ST3GAL6: variants seen among roughly 807,000 people sequenced by gnomAD.
ST3GAL6 encodes the protein ST3 beta-galactoside alpha-2,3-sialyltransferase 6.
ST3GAL6 carries 31 observed loss-of-function variants against 40.5 expected under a neutral mutation model. That is an observed-to-expected ratio of 0.77 (90% CI 0.58 to 1.03). The LOEUF (loss-of-function observed/expected upper bound fraction) is 1.03. Among genes scored for constraint, ST3GAL6 ranks in the 50% least tolerant of loss-of-function variants. ST3GAL6 has a pLI of 0.00. For missense variants in ST3GAL6, 357 were observed against 393.2 expected, an observed-to-expected ratio of 0.91 and a Z score of 0.78; for synonymous variants, 129 against 136.9, an observed-to-expected ratio of 0.94 and a Z score of 0.40.
intron 1 of ST3GAL6, among the ~76,000 whole-genome samples, chr3:98,735,626 T>C (rs1168780503): frequency 6.6e-6 from 1 of 152,240 alleles, no homozygotes; most frequent in Non-Finnish European, 1.5e-5. Flanking sequence ...GAAGAGGTTT[T>C]CCCAGGGTTA....
At chr3:98,751,167 C>T (rs938664988) in intron 1 of ST3GAL6, among the ~76,000 whole-genome samples, 3 of 151,972 alleles carry the variant, frequency 2.0e-5, no homozygotes, top group Admixed American at 6.6e-5. Context: ...CTCAGCCTCC[C>T]GAGTAGTTGG....
chr3:98,793,670 T>C lies in ST3GAL6; in HGVS notation c.910-5T>C, dbSNP rs202119606. ...AATGATGGTAATTGTATTTTTCTTC[T>C]TTAGAACGCGTATCACAATGTGACT... On this transcript the variant is annotated splice_polypyrimidine_tract_variant and splice_region_variant and intron_variant, in intron 9 of 9. Transcript: ENST00000483910. The C allele has an allele frequency of 1.4e-4, 219 of 1,569,684 alleles. No homozygotes were observed. The highest frequency in any genetic ancestry group is 2.6e-5 in the Non-Finnish European group (30 of 1,158,932).
At chr3:98,776,129 G>A (rs1939528191) in intron 5 of ST3GAL6, among the ~76,000 whole-genome samples, 1 of 152,168 alleles carries the variant, frequency 6.6e-6, no homozygotes, top group East Asian at 1.9e-4. Context: ...TATTTGCATA[G>A]CACTTTTCAG....
intron 1 of ST3GAL6, among the ~76,000 whole-genome samples, chr3:98,764,999 C>T (rs996022609): frequency 6.6e-6 from 1 of 152,138 alleles, no homozygotes; most frequent in African/African-American, 2.4e-5. Context: ...TTTCTTAGAG[C>T]AGTGATTCTC....
At chr3:98,766,182 C>A (rs1938302569) in intron 1 of ST3GAL6, among the ~76,000 whole-genome samples, 1 of 152,146 alleles carries the variant, frequency 6.6e-6, no homozygotes, top group Non-Finnish European at 1.5e-5. Flanking sequence ...TGAAAAACAA[C>A]AAAACAATAA....
In ST3GAL6 at chr3:98,763,372, G is replaced by T. The variant is rs956644170; in HGVS notation, c.-79G>T. 102 of 1,289,732 alleles carry T rather than the reference G, an allele frequency of 7.9e-5. No homozygotes were observed. In the African/African-American group the frequency reaches 1.4e-3, roughly 17 times the overall value. 79.9% of individuals were successfully genotyped at this position (1,289,732 alleles called of 1,614,324 possible). On this transcript the variant is annotated 5_prime_UTR_variant, in exon 1 of 10. An upstream start codon of the reference 5' UTR is lost. Coordinates refer to ENST00000483910, the MANE Select transcript of ST3GAL6 (RefSeq NM_001323368.2). Reference sequence around the variant, plus strand: ...GCTGAAGACCAGCAGAGACTAGGATGGATGACGGCCTGTCCAGGGGCTGAA... The same window carrying T: ...GCTGAAGACCAGCAGAGACTAGGATTGATGACGGCCTGTCCAGGGGCTGAA...
Position 98,794,805 on chromosome 3 carries a change from C to A in ST3GAL6, c.*1044C>A, listed in dbSNP as rs1440601217. The A allele has an allele frequency of 6.6e-6, 1 of 152,306 alleles. No individual in the cohort carries two copies. The highest frequency in any genetic ancestry group is 1.9e-4 in the East Asian group (1 of 5,186). 9.4% of individuals were successfully genotyped at this position (152,306 alleles called of 1,614,324 possible). A position where few individuals can be genotyped will look rare whatever the true frequency, so the allele number is the denominator to read the frequency against. ...GTCCCAGGTACTCGGGAGGCTGAGG[C>A]ACGAGAATTGCTTGAGCCCGGGAGG... On this transcript the variant is annotated 3_prime_UTR_variant, in exon 10 of 10. Coordinates refer to ENST00000483910, the MANE Select transcript of ST3GAL6 (RefSeq NM_001323368.2).
At chr3:98,774,913 A>G (rs1208305119) in intron 5 of ST3GAL6, among the ~76,000 whole-genome samples, 1 of 152,220 alleles carries the variant, frequency 6.6e-6, no homozygotes, top group East Asian at 1.9e-4. Flanking sequence ...TATAACTTCA[A>G]ACTATGCCAT....
At chr3:98,793,638 G>T in intron 9 of ST3GAL6, 37 bp from the exon 10 acceptor site, 2 of 1,381,854 alleles carry the variant, frequency 1.4e-6, no homozygotes, top group South Asian at 1.4e-5. Flanking sequence ...CTTTGAGATT[G>T]GGAAAGAATG....
chr3:98,740,120 G>A (rs543022558), intron 1 of ST3GAL6, among the ~76,000 whole-genome samples: 6 of 152,102 alleles, frequency 3.9e-5, no homozygotes, highest in South Asian at 2.1e-4. Flanking sequence ...TTTGATAAAC[G>A]GGATGTAAGG....
chr3:98,791,608 C>A (rs1941212625), intron 8 of ST3GAL6, among the ~76,000 whole-genome samples: 2 of 152,152 alleles, frequency 1.3e-5, no homozygotes, highest in Admixed American at 1.3e-4. Context: ...AATACCACAG[C>A]TATATTTTAT....
rs1469114677 is a variant in ST3GAL6 at position 98,788,220 on chromosome 3, A to G, written c.616A>G (p.Ile206Val). 11 of 1,606,428 alleles carry G rather than the reference A, an allele frequency of 6.8e-6. No individual in the cohort carries two copies. The highest frequency in any genetic ancestry group is 9.4e-6 in the Non-Finnish European group (11 of 1,175,952). Residue 206 changes from isoleucine to valine, a missense_variant and splice_region_variant, in exon 7 of 10, where the codon ATA becomes GTA. Coordinates refer to ENST00000483910, the MANE Select transcript of ST3GAL6 (RefSeq NM_001323368.2). The stretch of plus-strand genomic sequence containing the variant: ...GTTGGAATTGTTGATGGGTGACAAA[A>G]TAGTAAGTAGGCAAAATTGTTCTGC... ...WLLELLMGDKINTNGFWKKPA... is the reference protein window; with the variant it reads ...WLLELLMGDKVNTNGFWKKPA...
chr3:98,765,014 T>G (rs927437298), intron 1 of ST3GAL6, among the ~76,000 whole-genome samples: 2 of 152,212 alleles, frequency 1.3e-5, no homozygotes, highest in African/African-American at 2.4e-5. Flanking sequence ...ATTCTCAAAA[T>G]TTTAGTGTGC....
At chr3:98,791,518 G>T (rs1442895680) in intron 8 of ST3GAL6, among the ~76,000 whole-genome samples, 7 of 152,094 alleles carry the variant, frequency 4.6e-5, no homozygotes, top group East Asian at 1.9e-4. Context: ...TCATGTTTTT[G>T]TGTTTTTTAA....
At position 98,793,997 on chromosome 3, in the gene ST3GAL6, C is replaced by T; in HGVS notation, c.*236C>T. ...TTGATTGCATTGTTTTTAAAATAAG[C>T]TAGTTTTCTGAGGTGTTTTCACACG... On this transcript the variant is annotated 3_prime_UTR_variant, in exon 10 of 10. Transcript: ENST00000483910. 2 of 312,414 alleles carry T rather than the reference C, an allele frequency of 6.4e-6. No homozygotes were observed. The highest frequency in any genetic ancestry group is 1.2e-5 in the Non-Finnish European group (2 of 170,956). The allele number at this position is 312,414 out of a possible 1,614,324, so 19.4% of individuals were successfully genotyped here. A position where few individuals can be genotyped will look rare whatever the true frequency, so the allele number is the denominator to read the frequency against.
At chr3:98,762,799 T>C, upstream of ST3GAL6, 1 of 985,456 alleles carries the variant, frequency 1.0e-6, no homozygotes, top group Non-Finnish European at 1.2e-6. Context: ...GTTTGAATTC[T>C]GGCCAGTGCT....
intron 1 of ST3GAL6, among the ~76,000 whole-genome samples, chr3:98,765,398 C>T (rs1053488543): frequency 3.3e-5 from 5 of 152,164 alleles, no homozygotes; most frequent in African/African-American, 1.2e-4. Flanking sequence ...CTTCAGTTTT[C>T]CTCATTCATC....
At chr3:98,750,777 G>A (rs1164918361) in intron 1 of ST3GAL6, among the ~76,000 whole-genome samples, 1 of 152,138 alleles carries the variant, frequency 6.6e-6, no homozygotes, top group East Asian at 1.9e-4. Flanking sequence ...AATGCATCCT[G>A]TATTAGGCAG....
chr3:98,735,685 A>G lies in ST3GAL6; in HGVS notation c.-12+3153A>G, dbSNP rs1417947004. 2.0e-5 allele frequency among the ~76,000 whole-genome samples: 3 copies of G among 152,200 alleles called. No individual in the cohort carries two copies. The East Asian group carries it at 5.8e-4, about 29-fold the overall frequency. On this transcript the variant is annotated intron_variant, in intron 1 of 9. Coordinates refer to the ST3GAL6 transcript ENST00000265261. ...TGAAACATTCTCTCCTGTCTGTCCC[A>G]ACTGTGATGGATAATAGCACACATC...
Sources: allele counts gnomAD v4.1 joint callset (sites outside exome capture counted in the v4.1 genomes callset), GRCh38; gene constraint gnomAD v4.1.1; transcripts MANE v1.5; gene names NCBI Gene and HGNC (gene_info 2026-07-23, HGNC 2026-07-21).